The following SHLD1 variants were observed in gnomAD, a reference collection of about 807,000 sequenced individuals.
SHLD1 encodes RINN1-REV7-interacting novel NHEJ regulator 3.
In SHLD1, 3 loss-of-function variants were observed where a neutral mutation model predicts 5.5. The ratio of observed to expected loss-of-function variants is 0.54; its 90% confidence interval spans 0.25 to 1.40. The LOEUF is 1.40. SHLD1 is among the 40% of genes most tolerant of loss of function. SHLD1 has a pLI of 0.15. For missense variants in SHLD1, 210 were observed against 244.4 expected, an observed-to-expected ratio of 0.86 and a Z score of 0.94; for synonymous variants, 92 against 94.3, an observed-to-expected ratio of 0.98 and a Z score of 0.14.
In SHLD1 at chr20:5,752,739, T is replaced by G. The variant is rs553679797; in HGVS notation, c.-5+2260T>G. Among the ~76,000 whole-genome samples, 20 of 151,816 alleles carry G rather than the reference T, an allele frequency of 1.3e-4. 1 individual carries two copies. In the South Asian group the frequency reaches 2.5e-3, roughly 19 times the overall value. On this transcript the variant is annotated intron_variant, in intron 1 of 2. Coordinates refer to ENST00000303142, the MANE Select transcript of SHLD1 (RefSeq NM_152504.4). Reference sequence around the variant, plus strand: ...TCAAGCAGTTCTCCGTCTCAGCTTCTGGAGCAGCTGGGATTACAGGTGTGC... The same window carrying G: ...TCAAGCAGTTCTCCGTCTCAGCTTCGGGAGCAGCTGGGATTACAGGTGTGC...
Position 5,863,389 on chromosome 20 carries a change from G to A in SHLD1, c.544G>A (p.Glu182Lys). 6.2e-7 allele frequency: 1 copy of A among 1,614,110 alleles called. No homozygotes were observed. Among genetic ancestry groups the A allele is most frequent in the Non-Finnish European group, 8.5e-7 (1 of 1,180,012 alleles). Residue 182 changes from glutamate (E) to lysine (K), a missense_variant, in exon 3 of 3, where the codon GAA becomes AAA. Transcript: ENST00000303142. ...GGAAGGAAGTACATCTTTGGATGAT[G>A]AAAAGCCAAACCCAGGACTGTCAAA... ...LEEGSTSLDD[E>K]KPNPGLSKDI...
At chr20:5,792,666 G>A (rs994916896) in intron 2 of SHLD1, among the ~76,000 whole-genome samples, 15 of 136,056 alleles carry the variant, frequency 1.1e-4, no homozygotes, top group Non-Finnish European at 1.7e-4. Context: ...GTGATCTGCC[G>A]TTTTCTTTTT....
chr20:5,793,896 G>A lies in SHLD1; in HGVS notation c.178+20853G>A, dbSNP rs561629833. Among the ~76,000 whole-genome samples, 888 of 152,148 alleles carry A rather than the reference G, an allele frequency of 5.8e-3. 9 individuals carry two copies. The highest frequency in any genetic ancestry group is 0.02 in the African/African-American group (850 of 41,512). ...CTAATTTTTTTGTATTTTCAGTAGA[G>A]ACAGGGTTTCACCATGTTGGCCAGG... On this transcript the variant is annotated intron_variant, in intron 2 of 2. Coordinates refer to ENST00000303142, the MANE Select transcript of SHLD1 (RefSeq NM_152504.4).
rs946870603 is a variant in SHLD1 at position 5,806,065 on chromosome 20, C to G, written c.178+33022C>G. On this transcript the variant is annotated intron_variant, in intron 2 of 2. Coordinates refer to ENST00000303142, the MANE Select transcript of SHLD1 (RefSeq NM_152504.4). This position sits in a 1 kb window ranked among gnomAD's most constrained non-coding sequence, Gnocchi z 7.6. ...TATTTTTTAGAGATGCGGCCTTGCT[C>G]TGTTGCCCAGGCTAGTTTAGAACTC... Among the ~76,000 whole-genome samples, 1 of 152,090 alleles carries G rather than the reference C, an allele frequency of 6.6e-6. No individual in the cohort carries two copies. The highest frequency in any genetic ancestry group is 2.4e-5 in the African/African-American group (1 of 41,426).
intron 2 of SHLD1, among the ~76,000 whole-genome samples, chr20:5,828,673 T>C (rs1163892388): frequency 2.0e-5 from 3 of 152,234 alleles, no homozygotes; most frequent in East Asian, 1.9e-4. Flanking sequence ...ACTGTCCTTA[T>C]TGTGCTGATT....
At chr20:5,829,162 C>T (rs1439873082) in intron 2 of SHLD1, among the ~76,000 whole-genome samples, 1 of 152,174 alleles carries the variant, frequency 6.6e-6, no homozygotes, top group Non-Finnish European at 1.5e-5. Flanking sequence ...AGGTGTGAGC[C>T]ATCATGCCCA....
intron 2 of SHLD1, among the ~76,000 whole-genome samples, chr20:5,811,643 C>T (rs141453358): frequency 5.3e-5 from 8 of 152,136 alleles, no homozygotes; most frequent in South Asian, 2.1e-4. Context: ...TTGCTTGAGC[C>T]CAGGAGTTCA....
At chr20:5,772,819 G>C in intron 1 of SHLD1, 43 bp from the exon 2 acceptor site, 1 of 1,531,698 alleles carries the variant, frequency 6.5e-7, no homozygotes, top group South Asian at 1.2e-5. Context: ...ATCCTGCTAT[G>C]TGGTGCCTTT....
intron 1 of SHLD1, among the ~76,000 whole-genome samples, chr20:5,756,283 C>T (rs1984094496): frequency 6.6e-6 from 1 of 150,530 alleles, no homozygotes; most frequent in Non-Finnish European, 1.5e-5. Flanking sequence ...AGACCCCCAT[C>T]TTTACAAAAA....
At chr20:5,778,601 T>G in intron 2 of SHLD1, among the ~76,000 whole-genome samples, 1 of 137,554 alleles carries the variant, frequency 7.3e-6, no homozygotes, top group South Asian at 2.2e-4. Flanking sequence ...AGCAAGACCT[T>G]GTCAAAAAAA....
At chr20:5,772,810 T>A in intron 1 of SHLD1, 52 bp from the exon 2 acceptor site, 1 of 1,453,108 alleles carries the variant, frequency 6.9e-7, no homozygotes, top group Non-Finnish European at 9.4e-7. Context: ...CAATGAAGGA[T>A]CCTGCTATGT....
At chr20:5,780,961 C>T (rs1453871163) in intron 2 of SHLD1, among the ~76,000 whole-genome samples, 1 of 152,184 alleles carries the variant, frequency 6.6e-6, no homozygotes. Context: ...GACTTAAGAG[C>T]ACTTTCCAGA....
At chr20:5,823,978 A>G (rs920997085) in intron 2 of SHLD1, among the ~76,000 whole-genome samples, 3 of 152,110 alleles carry the variant, frequency 2.0e-5, no homozygotes, top group African/African-American at 7.2e-5. Context: ...CTCCAGTCCC[A>G]TGCTTGCCCT....
intron 2 of SHLD1, among the ~76,000 whole-genome samples, chr20:5,827,403 C>CA (rs1043414224): frequency 4.6e-5 from 7 of 152,240 alleles, no homozygotes. Flanking sequence ...CTCCCAAGGG[C>CA]AGAGCAGGGT....
intron 2 of SHLD1, among the ~76,000 whole-genome samples, chr20:5,776,826 C>T (rs1985452857): frequency 6.6e-6 from 1 of 152,004 alleles, no homozygotes; most frequent in African/African-American, 2.4e-5. Flanking sequence ...GTTTACTCAT[C>T]CTACCCCATG....
rs1392632478 is a variant in SHLD1, at chr20:5,764,217, GTGTATATATA to G, written c.-4-8643_-4-8634del. ...TTTATATATATATATATTTGTGTGT[GTGTATATATA>G]TATATATATATACATTTCTTTGTCT... On this transcript the variant is annotated intron_variant, in intron 1 of 2. Transcript: ENST00000303142. Among the ~76,000 whole-genome samples, 196 of 115,328 alleles carry G rather than the reference GTGTATATATA, an allele frequency of 1.7e-3. 1 individual carries two copies. The highest frequency in any genetic ancestry group is 6.2e-3 in the African/African-American group (187 of 29,992). 75.7% of individuals were successfully genotyped at this position (115,328 alleles called of 152,430 possible).
At chr20:5,827,222 G>T (rs2087676937) in intron 2 of SHLD1, among the ~76,000 whole-genome samples, 1 of 152,202 alleles carries the variant, frequency 6.6e-6, no homozygotes, top group African/African-American at 2.4e-5. Context: ...CTGTCTTGAT[G>T]CGAGCTGTGG....
chr20:5,813,431 G>A (rs1193608061), intron 2 of SHLD1, among the ~76,000 whole-genome samples: 1 of 152,176 alleles, frequency 6.6e-6, no homozygotes, highest in Non-Finnish European at 1.5e-5. Flanking sequence ...TGGAGGTGCA[G>A]TGAGCCGAGA....
chr20:5,831,422 A>G (rs2087727616), intron 2 of SHLD1, among the ~76,000 whole-genome samples: 1 of 152,124 alleles, frequency 6.6e-6, no homozygotes, highest in South Asian at 2.1e-4. Context: ...GGTTAATACT[A>G]CTTTACGTAT....
Sources: gnomAD v4.1 joint callset for allele counts (sites outside exome capture counted in the v4.1 genomes callset) on GRCh38, gnomAD v4.1.1 for gene constraint, Gnocchi (gnomAD v3.1) non-coding constraint, MANE v1.5 for transcripts, NCBI Gene and HGNC (gene_info 2026-07-23, HGNC 2026-07-21) for gene names.